Variants in KALRN observed in about 807,000 individuals in gnomAD.
KALRN encodes kalirin.
In KALRN, 70 loss-of-function variants were observed where a neutral mutation model predicts 353.7. That is an observed-to-expected ratio of 0.20 (90% confidence interval 0.16 to 0.24). The LOEUF (loss-of-function observed/expected upper bound fraction) is 0.24, where lower values mean the gene tolerates loss of function less well. Ranked by LOEUF, KALRN falls within the 10% of genes least tolerant of loss-of-function variation. The probability of loss-of-function intolerance (pLI) is 1.00; values close to 1 mark genes in which losing one functional copy is unlikely to be tolerated. For synonymous variants in KALRN, 1,391 were observed against 1,434.8 expected (o/e 0.97, Z 0.69); for missense variants, 2,791 against 3,756.7 (o/e 0.74, Z 6.72).
At chr3:124,088,472 T>C (rs2060939645) in intron 1 of KALRN, among the ~76,000 whole-genome samples, 1 of 151,974 alleles carries the variant, frequency 6.6e-6, no homozygotes, top group Non-Finnish European at 1.5e-5. Flanking sequence ...AAACTTGGAG[T>C]AGTGACTTGA....
chr3:124,600,095 T>G (rs949513856), intron 34 of KALRN, among the ~76,000 whole-genome samples: 1 of 152,232 alleles, frequency 6.6e-6, no homozygotes, highest in Non-Finnish European at 1.5e-5. Context: ...TGGGCAAGGC[T>G]TCCCAAAAGG....
At chr3:124,314,551 C>T (rs2078621819) in intron 6 of KALRN, among the ~76,000 whole-genome samples, 1 of 152,072 alleles carries the variant, frequency 6.6e-6, no homozygotes. Flanking sequence ...GTTTGTCTGG[C>T]TCACAGTTCT....
chr3:124,066,470 G>C (rs1231063877), intron 1 of KALRN, among the ~76,000 whole-genome samples: 1 of 152,130 alleles, frequency 6.6e-6, no homozygotes, highest in Non-Finnish European at 1.5e-5. Context: ...ACCTGAGGAA[G>C]GTTTAATGAA....
rs2063337417 is a variant in KALRN, at chr3:124,720,678, A to G, written c.*1208A>G. 6.6e-6 allele frequency: 1 copy of G among 152,514 alleles called. No individual in the cohort carries two copies. Among genetic ancestry groups the G allele is most frequent in the Non-Finnish European group, 1.5e-5 (1 of 68,032 alleles). The allele number at this position is 152,514 out of a possible 1,614,324, so 9.4% of individuals were successfully genotyped here. A position where few individuals can be genotyped will look rare whatever the true frequency, so the allele number is the denominator to read the frequency against. On this transcript the variant is annotated 3_prime_UTR_variant, in exon 60 of 60. Coordinates refer to ENST00000682506, the MANE Select transcript of KALRN (RefSeq NM_001388419.1). ...AATACCTGTCACCATGCAGCCGCTG[A>G]TAGTTCTCTGAACTAAAAGGACTAA...
At position 124,395,564 on chromosome 3, in the gene KALRN, A is replaced by C. The variant is rs572283021; in HGVS notation, c.2171+221A>C. ...TGTTTCAAAGAATTATTTATCATTC[A>C]GGATGTTATTCAGCCATCAGTAAGT... On this transcript the variant is annotated intron_variant, in intron 12 of 59. Coordinates refer to ENST00000682506, the MANE Select transcript of KALRN (RefSeq NM_001388419.1). The C allele has an allele frequency of 5.6e-6, 3 of 531,266 alleles. No individual in the cohort carries two copies. In the Admixed American group the frequency reaches 1.0e-4, roughly 18 times the overall value. The allele number at this position is 531,266 out of a possible 1,614,324, so 32.9% of individuals were successfully genotyped here.
chr3:124,232,200 G>T (rs1316337637), intron 2 of KALRN, among the ~76,000 whole-genome samples: 1 of 152,100 alleles, frequency 6.6e-6, no homozygotes. Flanking sequence ...TCAGCTTGGA[G>T]CCTGGCACAG....
At chr3:124,581,856 G>A (rs2074662169) in intron 34 of KALRN, among the ~76,000 whole-genome samples, 1 of 152,132 alleles carries the variant, frequency 6.6e-6, no homozygotes, top group Admixed American at 6.5e-5. Context: ...ACATGGAAGA[G>A]AGAACTAAAT....
At chr3:124,666,878 TA>T in intron 46 of KALRN, 133 bp from the exon 47 acceptor site, 1 of 908,496 alleles carries the variant, frequency 1.1e-6, no homozygotes, top group Non-Finnish European at 1.6e-6. Flanking sequence ...GACAAAAACC[TA>T]AGTACTGTCC....
At chr3:124,325,236 C>T (rs1181311954) in intron 6 of KALRN, among the ~76,000 whole-genome samples, 1 of 152,102 alleles carries the variant, frequency 6.6e-6, no homozygotes, top group Non-Finnish European at 1.5e-5. Flanking sequence ...ATCAAGAGAG[C>T]CCCTCCTTGA....
intron 7 of KALRN, among the ~76,000 whole-genome samples, chr3:124,327,334 G>T (rs551686705): frequency 6.6e-6 from 1 of 152,160 alleles, no homozygotes; most frequent in South Asian, 2.1e-4. Flanking sequence ...ATGTTCTGGC[G>T]TAGTATTCAG....
At chr3:124,451,017 T>A (rs1472018647) in intron 21 of KALRN, among the ~76,000 whole-genome samples, 1 of 152,064 alleles carries the variant, frequency 6.6e-6, no homozygotes, top group African/African-American at 2.4e-5. Flanking sequence ...CTCAGTAAAT[T>A]TGTGTCTACA....
intron 1 of KALRN, chr3:124,164,233 C>G (rs1320949165): frequency 1.3e-5 from 2 of 153,326 alleles, no homozygotes; most frequent in African/African-American, 4.8e-5. Context: ...AATCTTGGAT[C>G]CAGGGCTAAA....
rs967830143 is a variant in KALRN, at chr3:124,697,465, T to C, written c.7700-128T>C. 3 of 870,222 alleles carry C rather than the reference T, an allele frequency of 3.4e-6. No homozygotes were observed. In the African/African-American group the frequency reaches 5.1e-5, roughly 15 times the overall value. 53.9% of individuals were successfully genotyped at this position (870,222 alleles called of 1,614,324 possible). A position where few individuals can be genotyped will look rare whatever the true frequency, so the allele number is the denominator to read the frequency against. ...TTGGGCCTGGAGAAAGGTATGCCAC[T>C]TGGTGGAGAAGGTCACAGGAAAAAA... On this transcript the variant is annotated intron_variant, in intron 54 of 59. Coordinates refer to ENST00000682506, the MANE Select transcript of KALRN (RefSeq NM_001388419.1).
intron 34 of KALRN, among the ~76,000 whole-genome samples, chr3:124,629,104 G>T: frequency 6.6e-6 from 1 of 152,058 alleles, no homozygotes; most frequent in South Asian, 2.1e-4. Context: ...TATGCAAACC[G>T]GCACTGTCAG....
At chr3:124,378,731 A>G (rs778501430) in intron 10 of KALRN, among the ~76,000 whole-genome samples, 3 of 151,930 alleles carry the variant, frequency 2.0e-5, no homozygotes, top group Non-Finnish European at 2.9e-5. Context: ...TACTTTAAAG[A>G]TGTTGCTCCA....
At chr3:124,597,312 A>T (rs1197425690) in intron 34 of KALRN, among the ~76,000 whole-genome samples, 1 of 152,140 alleles carries the variant, frequency 6.6e-6, no homozygotes, top group Non-Finnish European at 1.5e-5. Context: ...GCTATTCCAT[A>T]AATGTGAAAC....
At chr3:124,101,151 A>G (rs1376385447) in intron 1 of KALRN, among the ~76,000 whole-genome samples, 1 of 152,200 alleles carries the variant, frequency 6.6e-6, no homozygotes, top group Non-Finnish European at 1.5e-5. Context: ...CTTTCTAGAT[A>G]AACCTTGACT....
chr3:124,371,972 C>T (rs368380110), intron 10 of KALRN, among the ~76,000 whole-genome samples: 1 of 152,160 alleles, frequency 6.6e-6, no homozygotes, highest in Non-Finnish European at 1.5e-5. Flanking sequence ...TAAAAACCTT[C>T]CATCTACTCT....
At chr3:124,675,135 C>T (rs2087011557) in intron 49 of KALRN, 1 of 152,092 alleles carries the variant, frequency 6.6e-6, no homozygotes, top group South Asian at 2.1e-4. Context: ...GTGGCAATTC[C>T]TCTGTACAGA....
Sources: gnomAD v4.1 joint callset for allele counts (sites outside exome capture counted in the v4.1 genomes callset) on GRCh38, gnomAD v4.1.1 for gene constraint, MANE v1.5 for transcripts, NCBI Gene and HGNC (gene_info 2026-07-23, HGNC 2026-07-21) for gene names.